Variants in TSBP1 observed in about 807,000 individuals in gnomAD.
TSBP1 encodes the protein testis-expressed basic protein 1.
A neutral mutation model predicts 68.8 loss-of-function variants in TSBP1; 56 were observed. The observed-to-expected ratio is 0.81, with a 90% CI of 0.66 to 1.02. TSBP1 has a LOEUF of 1.02. TSBP1 is among the 50% of genes least tolerant of loss of function. TSBP1 has a pLI of 0.00. For synonymous variants in TSBP1, 171 were observed against 208.7 expected, an observed-to-expected ratio of 0.82 and a Z score of 1.56; for missense variants, 502 against 641.2, an observed-to-expected ratio of 0.78 and a Z score of 2.34.
intron 6 of TSBP1, among the ~76,000 whole-genome samples, chr6:32,358,910 T>TTTATTATTATTATTATTATTATTATTA (rs9281749): frequency 7.4e-5 from 11 of 147,998 alleles, no homozygotes; most frequent in African/African-American, 2.3e-4. Context: ...CATGATTTGT[T>TTTATTATTATTATTATTATTATTATTA]TTATTATTAT....
rs1479494728 is a variant in TSBP1 at position 32,368,952 on chromosome 6, C to T, written c.101-138G>A. 6 of 1,042,592 alleles carry T rather than the reference C, an allele frequency of 5.8e-6. No individual in the cohort carries two copies. The African/African-American group carries it at 7.9e-5, about 14-fold the overall frequency. The allele number at this position is 1,042,592 out of a possible 1,614,324, so 64.6% of individuals were successfully genotyped here. A position where few individuals can be genotyped will look rare whatever the true frequency, so the allele number is the denominator to read the frequency against. On this transcript the variant is annotated intron_variant, in intron 2 of 22. Coordinates refer to ENST00000612031, the Ensembl canonical transcript of TSBP1. ...CTGATATAATGCATTGTTGTTCTCA[C>T]CCATTTTCCACATCTCCCATCAGCC...
At position 32,336,943 on chromosome 6, in the gene TSBP1, C is replaced by T. The variant is rs539489759; in HGVS notation, c.410-308G>A. ...TCAGTAGCAATTCAGGATATTGTGT[C>T]TGATTGCTTGGGCATCAGAAGGTGT... On this transcript the variant is annotated intron_variant, in intron 11 of 22. Coordinates refer to ENST00000612031, the Ensembl canonical transcript of TSBP1. The surrounding 1 kb of genome is among the most constrained non-coding windows in gnomAD (Gnocchi z 5.2). Among the ~76,000 whole-genome samples, 74 of 151,454 alleles carry T rather than the reference C, an allele frequency of 4.9e-4. No homozygotes were observed. Among genetic ancestry groups the T allele is most frequent in the African/African-American group, 1.7e-3 (72 of 41,482 alleles).
chr6:32,325,151 A>C lies in TSBP1; in HGVS notation c.515-1537T>G. 1 of 503,032 alleles carries C rather than the reference A, an allele frequency of 2.0e-6. No individual in the cohort carries two copies. The highest frequency in any genetic ancestry group is 3.5e-6 in the Non-Finnish European group (1 of 287,702). 31.2% of individuals were successfully genotyped at this position (503,032 alleles called of 1,614,324 possible). A position where few individuals can be genotyped will look rare whatever the true frequency, so the allele number is the denominator to read the frequency against. ...TGTTCTAGAAACTTATTAATAATTTATTTATGCCTTTCTGCCCATGGATGC... is the reference window on the plus strand; with the variant it reads ...TGTTCTAGAAACTTATTAATAATTTCTTTATGCCTTTCTGCCCATGGATGC... On this transcript the variant is annotated intron_variant, in intron 16 of 22. Coordinates refer to ENST00000612031, the Ensembl canonical transcript of TSBP1. The surrounding 1 kb of genome is among the most constrained non-coding windows in gnomAD (Gnocchi z 4.4).
chr6:32,339,624 A>G (rs1353978132), exon 10 of TSBP1: 3 of 1,271,616 alleles, frequency 2.4e-6, no homozygotes, highest in Admixed American at 3.7e-5. Context: ...GTTGTTTGTA[A>G]ACATTTTATA....
At position 32,333,604 on chromosome 6, in the gene TSBP1, G is replaced by T. The variant is rs1348968650; in HGVS notation, c.473-1550C>A. ...AGGTGGCTATGTGGACACCTGCATA[G>T]ATCATGGCGAGTACTACTCCCACAG... On this transcript the variant is annotated intron_variant, in intron 14 of 22. Coordinates refer to ENST00000612031, the Ensembl canonical transcript of TSBP1. The surrounding 1 kb of genome is among the most constrained non-coding windows in gnomAD (Gnocchi z 4.2). Among the ~76,000 whole-genome samples the T allele has an allele frequency of 6.6e-6, 1 of 150,634 alleles. No homozygotes were observed. Among genetic ancestry groups the T allele is most frequent in the Non-Finnish European group, 1.5e-5 (1 of 67,460 alleles).
At chr6:32,360,892 T>A (rs948481287) in intron 6 of TSBP1, among the ~76,000 whole-genome samples, 2 of 151,730 alleles carry the variant, frequency 1.3e-5, no homozygotes, top group African/African-American at 2.4e-5. Flanking sequence ...TCTTTTTTTT[T>A]ATTATACTTT....
At chr6:32,334,617 C>T (rs369129952) in intron 14 of TSBP1, among the ~76,000 whole-genome samples, 69 of 152,052 alleles carry the variant, frequency 4.5e-4, no homozygotes, top group Admixed American at 3.3e-3. Flanking sequence ...AAGTAATGTA[C>T]GCGAGGGTTA....
rs866595669 is a variant in TSBP1, at chr6:32,335,080, G to A, written c.472+357C>T. On this transcript the variant is annotated intron_variant, in intron 14 of 22. Transcript: ENST00000612031. This position sits in a 1 kb window ranked among gnomAD's most constrained non-coding sequence, Gnocchi z 5.5. ...CTTAAAATTTGCATTATTTTACAAA[G>A]TGAAGATAATCTAATAATGGAAAAA... Among the ~76,000 whole-genome samples, 50 of 152,238 alleles carry A rather than the reference G, an allele frequency of 3.3e-4. 1 individual carries two copies. Among genetic ancestry groups the A allele is most frequent in the African/African-American group, 1.1e-3 (46 of 41,528 alleles).
Position 32,322,624 on chromosome 6 carries a change from G to A in TSBP1, c.559+493C>T, listed in dbSNP as rs117326686. 8.0e-3 allele frequency: 5,889 copies of A among 734,462 alleles called. 119 individuals carry two copies. The highest frequency in any genetic ancestry group is 0.017 in the Admixed American group (854 of 50,558). The allele number at this position is 734,462 out of a possible 1,614,324, so 45.5% of individuals were successfully genotyped here. A position where few individuals can be genotyped will look rare whatever the true frequency, so the allele number is the denominator to read the frequency against. On this transcript the variant is annotated intron_variant, in intron 18 of 22. Transcript: ENST00000612031. ...AGGACTTGGGTGGGCAGTGAAGGAG[G>A]TATTCCAAACCACCCTATAGATTAT...
At chr6:32,334,634 C>T (rs1023173998) in intron 14 of TSBP1, among the ~76,000 whole-genome samples, 1 of 152,084 alleles carries the variant, frequency 6.6e-6, no homozygotes, top group Non-Finnish European at 1.5e-5. Flanking sequence ...GTTAAAAAAA[C>T]AGTAGTAAGA....
At chr6:32,330,960 G>A (rs1768946875) in intron 15 of TSBP1, among the ~76,000 whole-genome samples, 1 of 152,086 alleles carries the variant, frequency 6.6e-6, no homozygotes, top group Admixed American at 6.6e-5. Flanking sequence ...CACTGCGCCT[G>A]GCCCCAAAAC....
At chr6:32,330,987 T>G (rs1336873609) in intron 15 of TSBP1, among the ~76,000 whole-genome samples, 1 of 151,908 alleles carries the variant, frequency 6.6e-6, no homozygotes, top group Non-Finnish European at 1.5e-5. Context: ...ATTAGTGATA[T>G]TTTCCAAAGG....
chr6:32,352,634 A>G (rs1327888895), intron 8 of TSBP1, among the ~76,000 whole-genome samples: 3 of 152,016 alleles, frequency 2.0e-5, no homozygotes, highest in East Asian at 1.9e-4. Context: ...TACATTGTTA[A>G]TATGAACAAA....
intron 8 of TSBP1, 99 bp from the exon 9 acceptor site, chr6:32,349,859 G>T: frequency 7.7e-7 from 1 of 1,297,486 alleles, no homozygotes; most frequent in Non-Finnish European, 1.1e-6. Context: ...TGGAAAAGAG[G>T]ATAGAAATGA....
rs1272529073 is a variant in TSBP1 at position 32,302,693 on chromosome 6, C to A, written c.581-64G>T. On this transcript the variant is annotated intron_variant, in intron 19 of 22. Transcript: ENST00000612031. The surrounding 1 kb of genome is among the most constrained non-coding windows in gnomAD (Gnocchi z 5.1). Reference sequence around the variant, plus strand: ...TTTTGGAACAGAAGTACAGTTCTTTCCTACTCCCAATTCCCTAGTTGTTTT... The same window carrying A: ...TTTTGGAACAGAAGTACAGTTCTTTACTACTCCCAATTCCCTAGTTGTTTT... 8 of 1,188,072 alleles carry A rather than the reference C, an allele frequency of 6.7e-6. No individual in the cohort carries two copies. Among genetic ancestry groups the A allele is most frequent in the Admixed American group, 2.4e-5 (1 of 41,440 alleles). 73.6% of individuals were successfully genotyped at this position (1,188,072 alleles called of 1,614,324 possible). A position where few individuals can be genotyped will look rare whatever the true frequency, so the allele number is the denominator to read the frequency against.
intron 22 of TSBP1, 89 bp downstream of exon 25, chr6:32,299,833 G>A: frequency 9.7e-7 from 1 of 1,032,490 alleles, no homozygotes; most frequent in Non-Finnish European, 1.5e-6. Context: ...AGAAGCACAG[G>A]CCTCTATTTT....
At position 32,357,541 on chromosome 6, in the gene TSBP1, A is replaced by T. The variant is rs1303878684; in HGVS notation, c.218-1872T>A. Among the ~76,000 whole-genome samples the T allele has an allele frequency of 6.6e-6, 1 of 152,188 alleles. No individual in the cohort carries two copies. Among genetic ancestry groups the T allele is most frequent in the Non-Finnish European group, 1.5e-5 (1 of 68,044 alleles). On this transcript the variant is annotated intron_variant, in intron 6 of 22. Transcript: ENST00000612031. The surrounding 1 kb of genome is among the most constrained non-coding windows in gnomAD (Gnocchi z 4.7). Reference sequence around the variant, plus strand: ...TTCATTTAAGAGGTACTTATTAAGGATCTCCCTCGCTGTGGTGAGGTGAAT... The same window carrying T: ...TTCATTTAAGAGGTACTTATTAAGGTTCTCCCTCGCTGTGGTGAGGTGAAT...
At position 32,340,675 on chromosome 6, in the gene TSBP1, A is replaced by G. The variant is rs887885566; in HGVS notation, c.350-1037T>C. 6.6e-6 allele frequency among the ~76,000 whole-genome samples: 1 copy of G among 152,222 alleles called. No individual in the cohort carries two copies. The highest frequency in any genetic ancestry group is 1.5e-5 in the Non-Finnish European group (1 of 68,028). ...AGGATACATGTGAGCTGAGCAGGAA[A>G]GAGAATCATGATAAATTACTGATTT... is the stretch of plus-strand genomic sequence containing the variant. On this transcript the variant is annotated intron_variant, in intron 9 of 22. Coordinates refer to ENST00000612031, the Ensembl canonical transcript of TSBP1. This position sits in a 1 kb window ranked among gnomAD's most constrained non-coding sequence, Gnocchi z 4.8.
At chr6:32,347,508 T>C (rs1771185704) in intron 9 of TSBP1, among the ~76,000 whole-genome samples, 1 of 152,152 alleles carries the variant, frequency 6.6e-6, no homozygotes, top group African/African-American at 2.4e-5. Flanking sequence ...ACTCCTGTTG[T>C]CTTTGAAGCA....
Sources: allele counts gnomAD v4.1 joint callset (sites outside exome capture counted in the v4.1 genomes callset), GRCh38; gene constraint gnomAD v4.1.1; non-coding constraint Gnocchi (gnomAD v3.1); transcripts MANE v1.5; gene names NCBI Gene and HGNC (gene_info 2026-07-23, HGNC 2026-07-21).